The following CIMIP6 variants were observed in gnomAD, a reference collection of about 807,000 sequenced individuals.
CIMIP6 encodes uncharacterized protein C2orf73.
chr2:54,355,164 AATT>A, the CIMIP6 span, among the ~76,000 whole-genome samples: 6,442 of 152,244 alleles, frequency 0.042, 192 homozygotes, highest in Non-Finnish European at 0.06. Context: ...TAAAAAAATT[AATT>A]ATCTTGTGTC....
the CIMIP6 span, among the ~76,000 whole-genome samples, chr2:54,377,128 G>A: frequency 1.1e-4 from 17 of 152,186 alleles, no homozygotes; most frequent in African/African-American, 4.1e-4. Flanking sequence ...CCCTTACAAA[G>A]GGAATTTACG....
chr2:54,358,817 T>G, the CIMIP6 span: 1 of 486,890 alleles, frequency 2.1e-6, no homozygotes. Context: ...GAATCCATTC[T>G]ATTTATTATT....
chr2:54,355,923 G>A, the CIMIP6 span, among the ~76,000 whole-genome samples: 11 of 152,106 alleles, frequency 7.2e-5, no homozygotes, highest in Non-Finnish European at 1.5e-4. Context: ...TCAAATTTAT[G>A]GTAGATCATA....
At chr2:54,353,144 T>G in the CIMIP6 span, among the ~76,000 whole-genome samples, 1 of 152,332 alleles carries the variant, frequency 6.6e-6, no homozygotes, top group African/African-American at 2.4e-5. Flanking sequence ...TGAGGATTTT[T>G]CAGATGTGGA....
chr2:54,337,055 G>GT, the CIMIP6 span, among the ~76,000 whole-genome samples: 5 of 152,156 alleles, frequency 3.3e-5, no homozygotes, highest in African/African-American at 4.8e-5. Context: ...TCTCATGTAG[G>GT]TTTTTTCCAG....
the CIMIP6 span, chr2:54,381,802 T>A: frequency 6.6e-7 from 1 of 1,507,924 alleles, no homozygotes; most frequent in Non-Finnish European, 8.8e-7. Context: ...ACCATCAGAC[T>A]TTTTCCCATA....
the CIMIP6 span, chr2:54,331,080 T>C: frequency 6.9e-7 from 1 of 1,457,122 alleles, no homozygotes; most frequent in South Asian, 1.2e-5. Context: ...GGATCCAGCA[T>C]GGACAGTCCA....
the CIMIP6 span, among the ~76,000 whole-genome samples, chr2:54,348,716 A>G: frequency 6.6e-6 from 1 of 152,232 alleles, no homozygotes; most frequent in Non-Finnish European, 1.5e-5. Flanking sequence ...ATTTTTTACC[A>G]TAAGCATATG....
chr2:54,380,929 C>T, the CIMIP6 span, among the ~76,000 whole-genome samples: 1 of 152,212 alleles, frequency 6.6e-6, no homozygotes, highest in Non-Finnish European at 1.5e-5. Context: ...GTTTCCTTGA[C>T]TACGGGTTAA....
the CIMIP6 span, chr2:54,358,875 C>T: frequency 1.2e-5 from 7 of 574,034 alleles, no homozygotes; most frequent in Non-Finnish European, 2.1e-5. Flanking sequence ...AGTTTTGTTA[C>T]CATATTTTAT....
At chr2:54,344,444 G>C in the CIMIP6 span, among the ~76,000 whole-genome samples, 1 of 152,110 alleles carries the variant, frequency 6.6e-6, no homozygotes, top group East Asian at 1.9e-4. Flanking sequence ...AGAGAATAAA[G>C]AAGCAATTTC....
the CIMIP6 span, among the ~76,000 whole-genome samples, chr2:54,352,616 T>A: frequency 1.3e-5 from 2 of 152,220 alleles, no homozygotes; most frequent in African/African-American, 4.8e-5. Context: ...TAACTATGGT[T>A]ACCTTGTTGC....
At chr2:54,356,954 G>A in the CIMIP6 span, among the ~76,000 whole-genome samples, 1 of 152,060 alleles carries the variant, frequency 6.6e-6, no homozygotes, top group African/African-American at 2.4e-5. Context: ...CTGTGAGTTG[G>A]ACCATGATAT....
the CIMIP6 span, among the ~76,000 whole-genome samples, chr2:54,375,797 T>C: frequency 6.6e-6 from 1 of 152,172 alleles, no homozygotes; most frequent in Admixed American, 6.5e-5. Flanking sequence ...TTCTCCAAGA[T>C]ACATGTGAAC....
chr2:54,363,122 C>T, the CIMIP6 span, among the ~76,000 whole-genome samples: 1 of 152,160 alleles, frequency 6.6e-6, no homozygotes, highest in Non-Finnish European at 1.5e-5. Context: ...ATTCTATTAA[C>T]TTTTGTTTGT....
At chr2:54,370,141 G>A in the CIMIP6 span, among the ~76,000 whole-genome samples, 1 of 152,042 alleles carries the variant, frequency 6.6e-6, no homozygotes, top group Non-Finnish European at 1.5e-5. Flanking sequence ...TGTAATCTCG[G>A]CTTCTCGGGA....
At chr2:54,382,315 G>T in the CIMIP6 span, among the ~76,000 whole-genome samples, 1 of 152,126 alleles carries the variant, frequency 6.6e-6, no homozygotes, top group Non-Finnish European at 1.5e-5. Flanking sequence ...GCAGTAACAT[G>T]TTTACTTATG....
At chr2:54,357,129 G>A in the CIMIP6 span, among the ~76,000 whole-genome samples, 3 of 152,178 alleles carry the variant, frequency 2.0e-5, no homozygotes, top group Non-Finnish European at 4.4e-5. Context: ...GTTTTGAGCA[G>A]TTGATTGCAA....
chr2:54,379,161 T>A, the CIMIP6 span, among the ~76,000 whole-genome samples: 1 of 152,234 alleles, frequency 6.6e-6, no homozygotes, highest in South Asian at 2.1e-4. Context: ...GAAATTACAC[T>A]GATTCAACTT....
Sources: allele counts gnomAD v4.1 joint callset (sites outside exome capture counted in the v4.1 genomes callset), GRCh38; gene constraint gnomAD v4.1.1; transcripts MANE v1.5; gene names NCBI Gene and HGNC (gene_info 2026-07-23, HGNC 2026-07-21).